The following SH3PXD2A variants were observed in gnomAD, a reference collection of about 807,000 sequenced individuals.
SH3PXD2A encodes SH3 and PX domains 2A, also known as SH3 and PX domain-containing protein 2A.
In SH3PXD2A, 32 loss-of-function variants were observed where a neutral mutation model predicts 115.2. The ratio of observed to expected loss-of-function variants is 0.28; its 90% CI spans 0.21 to 0.37. The LOEUF is 0.37. SH3PXD2A is among the 10% of genes least tolerant of loss of function. The probability of loss-of-function intolerance (pLI) is 1.00; values close to 1 mark genes in which losing one functional copy is unlikely to be tolerated. For missense variants in SH3PXD2A, 1,328 were observed against 1,498.7 expected (o/e 0.89, Z 1.88); for synonymous variants, 610 against 629.1 (o/e 0.97, Z 0.45).
intron 8 of SH3PXD2A, among the ~76,000 whole-genome samples, chr10:103,636,560 A>G (rs4918035): frequency 0.9 from 137,507 of 152,152 alleles, 62,381 homozygotes; most frequent in East Asian, 1. Flanking sequence ...GGGGAGCCTG[A>G]CTGAGGGCGG....
chr10:103,805,427 C>A (rs572344568), intron 1 of SH3PXD2A, among the ~76,000 whole-genome samples: 8 of 152,374 alleles, frequency 5.3e-5, no homozygotes, highest in Admixed American at 2.0e-4. Flanking sequence ...ACCTTCAGGG[C>A]TGCCAGTACT....
At chr10:103,695,834 C>T (rs2037818172) in intron 5 of SH3PXD2A, among the ~76,000 whole-genome samples, 1 of 152,248 alleles carries the variant, frequency 6.6e-6, no homozygotes. Flanking sequence ...CTTGGCCTGC[C>T]TGTCCTTCAG....
intron 1 of SH3PXD2A, among the ~76,000 whole-genome samples, chr10:103,808,166 G>A (rs545024568): frequency 2.6e-5 from 4 of 152,186 alleles, no homozygotes; most frequent in Non-Finnish European, 4.4e-5. Context: ...ATCAAACGCC[G>A]GCCCAGAGCC....
chr10:103,728,876 G>GTTTTTTT (rs11399791), intron 4 of SH3PXD2A, among the ~76,000 whole-genome samples: 1 of 142,664 alleles, frequency 7.0e-6, no homozygotes, highest in African/African-American at 2.6e-5. Context: ...GCAAAGAGTT[G>GTTTTTTT]TTTTTTTTGT....
intron 1 of SH3PXD2A, among the ~76,000 whole-genome samples, chr10:103,845,265 A>T (rs1224396823): frequency 6.8e-6 from 1 of 147,946 alleles, no homozygotes; most frequent in Non-Finnish European, 1.5e-5. Context: ...CAGGAAGTGG[A>T]CGTTGCAGTG....
chr10:103,653,676 G>C (rs1043082785), intron 8 of SH3PXD2A, among the ~76,000 whole-genome samples: 3 of 152,138 alleles, frequency 2.0e-5, no homozygotes, highest in Admixed American at 6.5e-5. Flanking sequence ...CCACCTGCCT[G>C]CCTGGCAGCT....
At chr10:103,796,434 T>C (rs2039089666) in intron 2 of SH3PXD2A, among the ~76,000 whole-genome samples, 1 of 152,028 alleles carries the variant, frequency 6.6e-6, no homozygotes, top group Non-Finnish European at 1.5e-5. Context: ...ATCTTCTTTG[T>C]TCCCTCTCCC....
At chr10:103,777,456 A>C (rs1210746987) in intron 2 of SH3PXD2A, among the ~76,000 whole-genome samples, 1 of 152,220 alleles carries the variant, frequency 6.6e-6, no homozygotes, top group Non-Finnish European at 1.5e-5. Context: ...GTTGGGGAGG[A>C]GGCCTCTGGC....
chr10:103,850,648 C>T (rs568506638), intron 1 of SH3PXD2A, among the ~76,000 whole-genome samples: 5 of 152,316 alleles, frequency 3.3e-5, no homozygotes, highest in Admixed American at 2.0e-4. Context: ...TGCTCAGCTC[C>T]AGGAACCCCT....
chr10:103,798,469 C>T (rs755401633), intron 2 of SH3PXD2A, among the ~76,000 whole-genome samples: 3 of 152,280 alleles, frequency 2.0e-5, no homozygotes, highest in South Asian at 2.1e-4. Flanking sequence ...CATCGCACCT[C>T]GCTAGTTCTT....
intron 1 of SH3PXD2A, among the ~76,000 whole-genome samples, chr10:103,843,733 C>T (rs1478686000): frequency 6.6e-6 from 1 of 152,154 alleles, no homozygotes; most frequent in African/African-American, 2.4e-5. Context: ...CTCCCTAGCT[C>T]CCCATCCCCT....
Position 103,740,956 on chromosome 10 carries a change from A to G in SH3PXD2A, c.230-5148T>C, listed in dbSNP as rs74157324. ...CTTGCTCTCAGGAGTTTACCTTCCA[A>G]TTGGGAAGGGAGTGGGCACGGGAAG... On this transcript the variant is annotated intron_variant, in intron 3 of 14. Transcript: ENST00000369774. Among the ~76,000 whole-genome samples, 332 of 152,298 alleles carry G rather than the reference A, an allele frequency of 2.2e-3. 4 individuals are homozygous for G. The highest frequency in any genetic ancestry group is 6.5e-3 in the African/African-American group (269 of 41,576).
rs1362282270 is a variant in SH3PXD2A at position 103,602,121 on chromosome 10, C to A, written c.3097G>T (p.Ala1033Ser). 1 of 1,585,758 alleles carries A rather than the reference C, an allele frequency of 6.3e-7. No homozygotes were observed. The highest frequency in any genetic ancestry group is 8.6e-7 in the Non-Finnish European group (1 of 1,163,540). Residue 1033 changes from alanine to serine, a missense_variant, in exon 15 of 15, where the codon GCC becomes TCC. Physicochemically the swap from Ala to Ser is moderately conservative, Grantham distance 99. This residue lies in a region of SH3PXD2A where 574 missense variants were observed against 565.7 expected (regional missense o/e 1.01). Coordinates refer to ENST00000369774, the MANE Select transcript of SH3PXD2A (RefSeq NM_001394015.1). ...SAAAEAKGRL[A>S]ERAASQGSDS... ...GAACCCTGGCTGGCAGCCCGTTCGG[C>A]CAGGCGGCCCTTGGCCTCGGCGGCA... is the stretch of plus-strand genomic sequence containing the variant.
At chr10:103,825,999 G>A (rs559609146) in intron 1 of SH3PXD2A, among the ~76,000 whole-genome samples, 1 of 152,178 alleles carries the variant, frequency 6.6e-6, no homozygotes, top group African/African-American at 2.4e-5. Flanking sequence ...TCCTGACCTC[G>A]TGATCGGCCC....
At chr10:103,661,955 T>TCACCCAGGCGCTGCCACCGAGCC (rs1304190206) in intron 7 of SH3PXD2A, 2 of 985,022 alleles carry the variant, frequency 2.0e-6, no homozygotes, top group East Asian at 2.3e-4. Context: ...CCCCTCGGGC[T>TCACCCAGGCGCTGCCACCGAGCC]CACCCAGGCG....
chr10:103,671,824 G>C (rs78665859), intron 6 of SH3PXD2A, among the ~76,000 whole-genome samples: 1 of 152,234 alleles, frequency 6.6e-6, no homozygotes, highest in African/African-American at 2.4e-5. Context: ...TGAACCAACT[G>C]CTTCCTGCCT....
At chr10:103,831,059 A>G (rs965838594) in intron 1 of SH3PXD2A, among the ~76,000 whole-genome samples, 10 of 152,250 alleles carry the variant, frequency 6.6e-5, no homozygotes, top group Non-Finnish European at 1.2e-4. Context: ...CTGTGTTTGC[A>G]TGCTTTTACT....
At chr10:103,623,279 C>G (rs926897302) in intron 9 of SH3PXD2A, among the ~76,000 whole-genome samples, 3 of 139,974 alleles carry the variant, frequency 2.1e-5, no homozygotes, top group African/African-American at 1.0e-4. Flanking sequence ...GCCCCCTCCC[C>G]AGCTTCTCAC....
chr10:103,604,265 G>T lies in SH3PXD2A; in HGVS notation c.1429-476C>A, dbSNP rs530900475. Reference sequence around the variant, plus strand: ...TGGGAAGATGCAGATGAAGTGACCTGGGAGGTACAGGCCCGAGGCCAGAGC... The same window carrying T: ...TGGGAAGATGCAGATGAAGTGACCTTGGAGGTACAGGCCCGAGGCCAGAGC... On this transcript the variant is annotated intron_variant, in intron 14 of 14. Transcript: ENST00000369774. Among the ~76,000 whole-genome samples the T allele has an allele frequency of 2.0e-5, 3 of 152,328 alleles. No individual in the cohort carries two copies. The South Asian group carries it at 6.2e-4, about 32-fold the overall frequency.
Sources: allele counts gnomAD v4.1 joint callset (sites outside exome capture counted in the v4.1 genomes callset), GRCh38; gene constraint gnomAD v4.1.1; regional missense constraint gnomAD v4.1.1; transcripts MANE v1.5; gene names NCBI Gene and HGNC (gene_info 2026-07-23, HGNC 2026-07-21).